Variants in ARHGEF3 observed in about 807,000 individuals in gnomAD.
The protein encoded by ARHGEF3 is 59.8 kDA protein.
ARHGEF3 carries 28 observed loss-of-function variants against 63.2 expected under a neutral mutation model. The observed-to-expected ratio is 0.44, with a 90% CI of 0.33 to 0.61. The LOEUF is 0.61. Among genes scored for constraint, ARHGEF3 ranks in the 20% least tolerant of loss-of-function variants. The probability of loss-of-function intolerance (pLI) is 0.03; values close to 1 mark genes in which losing one functional copy is unlikely to be tolerated. For synonymous variants in ARHGEF3, 266 were observed against 254.2 expected (o/e 1.05, Z -0.44); for missense variants, 533 against 659.3 (o/e 0.81, Z 2.10).
intron 3 of ARHGEF3, among the ~76,000 whole-genome samples, chr3:56,919,462 C>T (rs1378718878): frequency 6.6e-6 from 1 of 152,188 alleles, no homozygotes; most frequent in East Asian, 1.9e-4. Context: ...GGGCATCTTT[C>T]CCTGTCACGC....
intron 2 of ARHGEF3, among the ~76,000 whole-genome samples, chr3:57,033,862 T>C (rs559369067): frequency 1.3e-5 from 2 of 152,002 alleles, no homozygotes; most frequent in African/African-American, 4.8e-5. Flanking sequence ...CTGGCCAACA[T>C]AGTGAAACTT....
chr3:57,054,149 A>G (rs753927130), intron 1 of ARHGEF3, among the ~76,000 whole-genome samples: 11 of 152,202 alleles, frequency 7.2e-5, no homozygotes, highest in Non-Finnish European at 1.5e-4. Flanking sequence ...CAGTTGCACC[A>G]TATCTTCACC....
At chr3:56,737,008 T>G (rs1237659817) in intron 8 of ARHGEF3, among the ~76,000 whole-genome samples, 177 bp downstream of exon 8, 1 of 152,080 alleles carries the variant, frequency 6.6e-6, no homozygotes, top group African/African-American at 2.4e-5. Context: ...GGCACAAGAA[T>G]TGCTTGAACC....
At chr3:57,064,789 G>T (rs1166313658) in intron 1 of ARHGEF3, among the ~76,000 whole-genome samples, 2 of 152,194 alleles carry the variant, frequency 1.3e-5, no homozygotes, top group African/African-American at 2.4e-5. Flanking sequence ...AGGGGCAGGG[G>T]GGAATGGGAG....
At chr3:56,753,794 T>C (rs2034908812) in intron 3 of ARHGEF3, among the ~76,000 whole-genome samples, 1 of 152,252 alleles carries the variant, frequency 6.6e-6, no homozygotes, top group Non-Finnish European at 1.5e-5. Flanking sequence ...TACACATTTC[T>C]AGTCCAAAAA....
At chr3:56,873,856 G>C (rs2040507774) in intron 4 of ARHGEF3, among the ~76,000 whole-genome samples, 1 of 152,202 alleles carries the variant, frequency 6.6e-6, no homozygotes, top group Non-Finnish European at 1.5e-5. Flanking sequence ...CCAACAAACA[G>C]GTGTTCTGGG....
chr3:56,851,828 T>G (rs1322568940), intron 4 of ARHGEF3, among the ~76,000 whole-genome samples: 37 of 150,240 alleles, frequency 2.5e-4, no homozygotes, highest in Non-Finnish European at 5.9e-5. Context: ...AGGCTGGTCT[T>G]GAACTCCCAG....
chr3:57,042,651 AATATAT>A lies in ARHGEF3; in HGVS notation c.-27-7481_-27-7476del, dbSNP rs71076013. 5.8e-3 allele frequency among the ~76,000 whole-genome samples: 283 copies of A among 48,978 alleles called. 2 individuals are homozygous for A. The highest frequency in any genetic ancestry group is 8.2e-3 in the African/African-American group (110 of 13,492). The allele number at this position is 48,978 out of a possible 152,430, so 32.1% of individuals were successfully genotyped here. A position where few individuals can be genotyped will look rare whatever the true frequency, so the allele number is the denominator to read the frequency against. ...CCCAGCATAACACTGTATGTACATA[AATATAT>A]ATATATATATATATATATATATATA... is the stretch of plus-strand genomic sequence containing the variant. On this transcript the variant is annotated intron_variant, in intron 1 of 12. Transcript: ENST00000338458.
At chr3:57,039,842 C>A (rs1704106225) in intron 1 of ARHGEF3, among the ~76,000 whole-genome samples, 1 of 152,162 alleles carries the variant, frequency 6.6e-6, no homozygotes, top group Admixed American at 6.5e-5. Context: ...CAAGGATGAT[C>A]TCCCCATGCC....
At chr3:56,796,847 C>T (rs1008359900) in intron 1 of ARHGEF3, among the ~76,000 whole-genome samples, 3 of 152,166 alleles carry the variant, frequency 2.0e-5, no homozygotes, top group Admixed American at 2.0e-4. Flanking sequence ...TTCTACAAAA[C>T]AGGGCATTAA....
At chr3:56,798,537 G>GTTTTTTTTTTTTTTTTTTT in intron 1 of ARHGEF3, among the ~76,000 whole-genome samples, 1 of 139,276 alleles carries the variant, frequency 7.2e-6, no homozygotes, top group Non-Finnish European at 1.5e-5. Flanking sequence ...TCTTTACTTC[G>GTTTTTTTTTTTTTTTTTTT]TTTTTTTTTT....
intron 3 of ARHGEF3, among the ~76,000 whole-genome samples, chr3:56,906,454 C>T (rs2041686365): frequency 6.6e-6 from 1 of 152,152 alleles, no homozygotes; most frequent in Non-Finnish European, 1.5e-5. Flanking sequence ...TCTAAGTATA[C>T]AATACTCACT....
At chr3:56,941,761 G>A (rs1297979476) in intron 3 of ARHGEF3, among the ~76,000 whole-genome samples, 10 of 152,134 alleles carry the variant, frequency 6.6e-5, no homozygotes, top group Non-Finnish European at 5.9e-5. Context: ...CATCAGTGAC[G>A]AGACTTCTTT....
intron 3 of ARHGEF3, among the ~76,000 whole-genome samples, chr3:56,945,507 G>A (rs1408577166): frequency 2.0e-5 from 3 of 152,204 alleles, no homozygotes; most frequent in Admixed American, 6.5e-5. Context: ...CGCCCACAGA[G>A]ACTCGCTCAT....
At chr3:56,902,911 C>G (rs1362690897) in intron 3 of ARHGEF3, among the ~76,000 whole-genome samples, 1 of 152,180 alleles carries the variant, frequency 6.6e-6, no homozygotes, top group Non-Finnish European at 1.5e-5. Context: ...TCACTGAGGA[C>G]CCAAGTAGCC....
intron 2 of ARHGEF3, among the ~76,000 whole-genome samples, chr3:56,971,034 G>A (rs961605822): frequency 2.0e-5 from 3 of 152,156 alleles, no homozygotes; most frequent in African/African-American, 7.2e-5. Context: ...CCTCTTCCAG[G>A]GAACCAGCTC....
chr3:56,775,906 A>G (rs1365772110), intron 1 of ARHGEF3, among the ~76,000 whole-genome samples: 4 of 152,194 alleles, frequency 2.6e-5, no homozygotes, highest in African/African-American at 9.7e-5. Context: ...ACTGCATTAC[A>G]GCAAGTGAGG....
At position 56,812,968 on chromosome 3, in the gene ARHGEF3, A is replaced by T. The variant is rs2038126066; in HGVS notation, c.193-39152T>A. Among the ~76,000 whole-genome samples the T allele has an allele frequency of 2.6e-5, 4 of 152,370 alleles. No individual in the cohort carries two copies. In the South Asian group the frequency reaches 8.3e-4, roughly 32 times the overall value. ...GGAGGAAAGAAGGTAAGAGAGAATTAAAATTGTAAAGCCAACATCATGTGG... is the reference window on the plus strand; with the variant it reads ...GGAGGAAAGAAGGTAAGAGAGAATTTAAATTGTAAAGCCAACATCATGTGG... On this transcript the variant is annotated intron_variant, in intron 4 of 12. Transcript: ENST00000338458.
chr3:56,900,961 T>A (rs1295609346), intron 3 of ARHGEF3, among the ~76,000 whole-genome samples: 1 of 152,188 alleles, frequency 6.6e-6, no homozygotes, highest in Non-Finnish European at 1.5e-5. Flanking sequence ...CCTCTAAAGT[T>A]TCCTTCTAAC....
Sources: gnomAD v4.1 joint callset for allele counts (sites outside exome capture counted in the v4.1 genomes callset) on GRCh38, gnomAD v4.1.1 for gene constraint, MANE v1.5 for transcripts, NCBI Gene and HGNC (gene_info 2026-07-23, HGNC 2026-07-21) for gene names.